The following FLG2 variants were observed in gnomAD, a reference collection of about 807,000 sequenced individuals.
FLG2 encodes filaggrin-2.
In FLG2, 7 loss-of-function variants were observed where a neutral mutation model predicts 3.9. The ratio of observed to expected loss-of-function variants is 1.79; its 90% confidence interval spans 1.02 to 3.36. FLG2 has a LOEUF of 3.36. Among genes scored for constraint, FLG2 ranks in the 30% most tolerant of loss-of-function variants. The pLI, the probability that FLG2 is intolerant of heterozygous loss-of-function variation, is 0.00. For synonymous variants in FLG2, 1,031 were observed against 1,056.1 expected, an observed-to-expected ratio of 0.98 and a Z score of 0.46; for missense variants, 2,700 against 2,809.4, an observed-to-expected ratio of 0.96 and a Z score of 0.88.
Position 152,350,462 on chromosome 1 carries a change from C to T in FLG2, c.*148G>A. 2 of 1,045,110 alleles carry T rather than the reference C, an allele frequency of 1.9e-6. No homozygotes were observed. The highest frequency in any genetic ancestry group is 5.2e-5 in the East Asian group (2 of 38,422). 64.7% of individuals were successfully genotyped at this position (1,045,110 alleles called of 1,614,324 possible). ...ACTATAGAATGTCCATGACTAGATT[C>T]CTGACTTCTTATAATAATAGGTCGA... On this transcript the variant is annotated 3_prime_UTR_variant, in exon 3 of 3. Coordinates refer to ENST00000388718, the MANE Select transcript of FLG2 (RefSeq NM_001014342.3).
In FLG2 at chr1:152,351,757, G is replaced by A. The variant is rs1653936129; in HGVS notation, c.6029C>T (p.Ser2010Phe). The change falls in exon 3 of 3, where the codon TCT becomes TTT. Residue 2010 changes from serine (S) to phenylalanine (F), a missense_variant. Transcript: ENST00000388718. ...QTADTTRHGH[S>F]GHGQSTQRGS... is the part of the protein sequence containing the mutation. Reference sequence around the variant, plus strand: ...TCTCTGTGTGGACTGTCCATGACCAGAGTGGCCATGTCTAGTGGTATCTGC... The same window carrying A: ...TCTCTGTGTGGACTGTCCATGACCAAAGTGGCCATGTCTAGTGGTATCTGC... 7 of 1,611,818 alleles carry A rather than the reference G, an allele frequency of 4.3e-6. No homozygotes were observed. Among genetic ancestry groups the A allele is most frequent in the Non-Finnish European group, 5.9e-6 (7 of 1,179,648 alleles).
chr1:152,354,656 C>T lies in FLG2; in HGVS notation c.3130G>A (p.Gly1044Ser). 6.2e-7 allele frequency: 1 copy of T among 1,614,068 alleles called. No individual in the cohort carries two copies. The highest frequency in any genetic ancestry group is 8.5e-7 in the Non-Finnish European group (1 of 1,180,014). The change falls in exon 3 of 3, where the codon GGC (glycine) becomes AGC (serine). Residue 1044 changes from glycine (G) to serine (S), a missense_variant. Coordinates refer to ENST00000388718, the MANE Select transcript of FLG2 (RefSeq NM_001014342.3). ...CCAAAGCCAGAGGACTGATCTGAGCCTGATCCATGTTGTCCAAAGCCTGAG... is the reference window on the plus strand; with the variant it reads ...CCAAAGCCAGAGGACTGATCTGAGCTTGATCCATGTTGTCCAAAGCCTGAG... The part of the protein sequence containing the change: ...QYSGFGQHGS[G>S]SDQSSGFGQH...
rs761313469 is a variant in FLG2, at chr1:152,357,322, T to A, written c.464A>T (p.His155Leu). The stretch of plus-strand genomic sequence containing the variant: ...TCCTAGCCTCCTGGAGTTGGACCCA[T>A]GTCTACATTTCACAGTTCCCCTTGA... The part of the protein sequence containing the change: ...GHSRGTVKCR[H>L]GSNSRRLGRQ... Residue 155 changes from histidine (H) to leucine (L), a missense_variant, in exon 3 of 3, where the codon CAT becomes CTT. By Grantham distance (99) the His-to-Leu change is moderately conservative (BLOSUM62 -3). Transcript: ENST00000388718. 1.2e-6 allele frequency: 2 copies of A among 1,614,186 alleles called. No individual in the cohort carries two copies. The highest frequency in any genetic ancestry group is 1.3e-5 in the African/African-American group (1 of 75,046).
Position 152,354,671 on chromosome 1 carries a change from C to T in FLG2, c.3115G>A (p.Gly1039Arg). ...RSSSGQYSGF[G>R]QHGSGSDQSS... ...TGATCTGAGCCTGATCCATGTTGTCCAAAGCCTGAGTATTGGCCTGAGCTT... is the reference window on the plus strand; with the variant it reads ...TGATCTGAGCCTGATCCATGTTGTCTAAAGCCTGAGTATTGGCCTGAGCTT... The change falls in exon 3 of 3, where the codon GGA (glycine) becomes AGA (arginine). Residue 1039 changes from glycine (G) to arginine (R), a missense_variant. Transcript: ENST00000388718. The T allele has an allele frequency of 6.2e-7, 1 of 1,614,026 alleles. No homozygotes were observed. The highest frequency in any genetic ancestry group is 8.5e-7 in the Non-Finnish European group (1 of 1,180,020).
In FLG2 at chr1:152,353,625, T is replaced by A. The variant is rs1654066054; in HGVS notation, c.4161A>T (p.Arg1387Ser). 4 of 1,613,876 alleles carry A rather than the reference T, an allele frequency of 2.5e-6. No individual in the cohort carries two copies. The Admixed American group carries it at 6.7e-5, about 27-fold the overall frequency. The change falls in exon 3 of 3, where the codon AGA (arginine) becomes AGT (serine). Residue 1387 changes from arginine to serine, a missense_variant. Arg to Ser is a moderately radical substitution (Grantham distance 110). Coordinates refer to ENST00000388718, the MANE Select transcript of FLG2 (RefSeq NM_001014342.3). ...HGESESTVHE[R>S]HETTYGQTGE... Reference sequence around the variant, plus strand: ...CTGTCTGTCCATAAGTAGTTTCATGTCTCTCATGAACTGTGGATTCTGACT... The same window carrying A: ...CTGTCTGTCCATAAGTAGTTTCATGACTCTCATGAACTGTGGATTCTGACT...
At position 152,356,783 on chromosome 1, in the gene FLG2, G is replaced by C; in HGVS notation, c.1003C>G (p.Pro335Ala). 1 of 1,614,006 alleles carries C rather than the reference G, an allele frequency of 6.2e-7. No individual in the cohort carries two copies. The highest frequency in any genetic ancestry group is 8.5e-7 in the Non-Finnish European group (1 of 1,179,894). Residue 335 changes from proline (P) to alanine (A), a missense_variant, in exon 3 of 3, where the codon CCC becomes GCC. Pro to Ala is a conservative substitution (Grantham distance 27). Coordinates refer to ENST00000388718, the MANE Select transcript of FLG2 (RefSeq NM_001014342.3). ...GACTCAGGTTGACCACATCCAGAGG[G>C]CTGACCTCCTGAGACACAGCCATGG... ...QGHGCVSGGQ[P>A]SGCGQPESNP...
chr1:152,357,591 A>G lies in FLG2; in HGVS notation c.195T>C (p.His65=), dbSNP rs777649467. 3.0e-5 allele frequency: 48 copies of G among 1,614,100 alleles called. No individual in the cohort carries two copies. Among genetic ancestry groups the G allele is most frequent in the Non-Finnish European group, 3.9e-5 (46 of 1,180,020 alleles). The change falls in exon 3 of 3, where the codon CAT becomes CAC. Residue 65 remains histidine (H), a synonymous_variant. Coordinates refer to ENST00000388718, the MANE Select transcript of FLG2 (RefSeq NM_001014342.3). Reference sequence around the variant, plus strand: ...ACTCAGTAAAGTCCAATCTTCTGTCATGATCTCGATCCAGCATATGCATGA... The same window carrying G: ...ACTCAGTAAAGTCCAATCTTCTGTCGTGATCTCGATCCAGCATATGCATGA... ...DVIMHMLDRD[H]DRRLDFTEFL...
intron 1 of FLG2, among the ~76,000 whole-genome samples, chr1:152,359,214 T>C (rs1654362017): frequency 6.6e-6 from 1 of 152,188 alleles, no homozygotes; most frequent in Non-Finnish European, 1.5e-5. Flanking sequence ...TTGAGTGTGT[T>C]GGCATTCTGG....
At position 152,358,839 on chromosome 1, in the gene FLG2, A is replaced by G. The variant is rs1654346972; in HGVS notation, c.46T>C (p.Tyr16His). 2 of 1,614,024 alleles carry G rather than the reference A, an allele frequency of 1.2e-6. No individual in the cohort carries two copies. The highest frequency in any genetic ancestry group is 1.7e-6 in the Non-Finnish European group (2 of 1,179,902). The change falls in exon 2 of 3, where the codon TAC becomes CAC. Residue 16 changes from tyrosine to histidine, a missense_variant. Tyr to His is a moderately conservative substitution (Grantham distance 83). Transcript: ENST00000388718. ...RSVVTVIDVF[Y>H]KYTKQDGECG... ...TCCCCATCTTGCTTGGTGTATTTGTAGAAAACATCAATTACGGTGACAACA... is the reference window on the plus strand; with the variant it reads ...TCCCCATCTTGCTTGGTGTATTTGTGGAAAACATCAATTACGGTGACAACA...
Position 152,357,181 on chromosome 1 carries a change from A to T in FLG2, c.605T>A (p.Val202Glu), listed in dbSNP as rs1654272218. ...GGKDRHGSSS[V>E]ELRERINKSH... ...CTTGTTTATTCTTTCTCTCAGTTCT[A>T]CAGAGCTGGAACCATGTCTGTCTTT... is the stretch of plus-strand genomic sequence containing the variant. Residue 202 changes from valine (V) to glutamate (E), a missense_variant, in exon 3 of 3, where the codon GTA becomes GAA. Physicochemically the swap from Val to Glu is moderately radical, Grantham distance 121. Transcript: ENST00000388718. The T allele has an allele frequency of 6.2e-7, 1 of 1,614,022 alleles. No homozygotes were observed. Among genetic ancestry groups the T allele is most frequent in the African/African-American group, 1.3e-5 (1 of 74,898 alleles).
At chr1:152,359,045 T>C (rs1654357051) in intron 1 of FLG2, 139 bp from the exon 2 acceptor site, 1 of 722,462 alleles carries the variant, frequency 1.4e-6, no homozygotes, top group Admixed American at 3.1e-5. Flanking sequence ...CCAGGGATGA[T>C]ACAACCCCGT....
chr1:152,353,465 G>T lies in FLG2; in HGVS notation c.4321C>A (p.Gln1441Lys). ...EVHSGGSHRP[Q>K]SQEQTHGQAG... ...TGGCCATGAGTTTGTTCTTGTGATTGTGGTCTGTGTGAGCCCCCTGAGTGC... is the reference window on the plus strand; with the variant it reads ...TGGCCATGAGTTTGTTCTTGTGATTTTGGTCTGTGTGAGCCCCCTGAGTGC... The change falls in exon 3 of 3, where the codon CAA becomes AAA. Residue 1441 changes from glutamine to lysine, a missense_variant. By Grantham distance (53) the Gln-to-Lys change is moderately conservative (BLOSUM62 1). Coordinates refer to ENST00000388718, the MANE Select transcript of FLG2 (RefSeq NM_001014342.3). 2.5e-6 allele frequency: 4 copies of T among 1,603,260 alleles called. No individual in the cohort carries two copies. The highest frequency in any genetic ancestry group is 3.4e-6 in the Non-Finnish European group (4 of 1,176,762).
intron 1 of FLG2, among the ~76,000 whole-genome samples, chr1:152,359,660 CA>C (rs1654375528): frequency 6.6e-6 from 1 of 152,066 alleles, no homozygotes; most frequent in Non-Finnish European, 1.5e-5. Context: ...CTGGACAGCC[CA>C]GAAAAGAGGG....
At position 152,352,578 on chromosome 1, in the gene FLG2, C is replaced by T. The variant is rs12067755; in HGVS notation, c.5208G>A (p.Gly1736=). The T allele has an allele frequency of 1.8e-5, 29 of 1,613,588 alleles. No individual in the cohort carries two copies. Among genetic ancestry groups the T allele is most frequent in the Middle Eastern group, 3.3e-4 (2 of 6,084 alleles). The change falls in exon 3 of 3, where the codon GGG becomes GGA. Residue 1736 remains glycine, a synonymous_variant. Coordinates refer to ENST00000388718, the MANE Select transcript of FLG2 (RefSeq NM_001014342.3). The part of the protein sequence containing the change: ...SGHSEYSDSE[G]YSGVSHTHSG... The stretch of plus-strand genomic sequence containing the variant: ...AATGTGTATGTGAGACTCCTGAGTA[C>T]CCTTCACTGTCACTGTACTCACTGT...
Position 152,355,294 on chromosome 1 carries a change from G to A in FLG2, c.2492C>T (p.Ser831Phe). 1.2e-6 allele frequency: 2 copies of A among 1,613,916 alleles called. No homozygotes were observed. Among genetic ancestry groups the A allele is most frequent in the African/African-American group, 1.3e-5 (1 of 74,946 alleles). Residue 831 changes from serine (S) to phenylalanine (F), a missense_variant, in exon 3 of 3, where the codon TCT becomes TTT. Coordinates refer to ENST00000388718, the MANE Select transcript of FLG2 (RefSeq NM_001014342.3). Reference protein sequence around the residue: ...GQHGSGSGQSSGFGQHESRSH... With the variant: ...GQHGSGSGQSFGFGQHESRSH... ...TCTAGACTCATGCTGTCCAAAGCCA[G>A]AGGATTGTCCTGAGCCAGACCCATG...
At position 152,350,609 on chromosome 1, in the gene FLG2, G is replaced by T; in HGVS notation, c.*1C>A. 6.2e-7 allele frequency: 1 copy of T among 1,610,114 alleles called. No homozygotes were observed. ...ATAAGGTCAGAACTAGAAAATAACT[G>T]TCAATGTCTAGACAGTTGCTTGTTT... On this transcript the variant is annotated 3_prime_UTR_variant, in exon 3 of 3. Transcript: ENST00000388718.
At position 152,350,473 on chromosome 1, in the gene FLG2, A is replaced by G. The variant is rs763443589; in HGVS notation, c.*137T>C. On this transcript the variant is annotated 3_prime_UTR_variant, in exon 3 of 3. Transcript: ENST00000388718. ...TCCATGACTAGATTCCTGACTTCTT[A>G]TAATAATAGGTCGAGACTGATACTG... 7.3e-5 allele frequency: 84 copies of G among 1,150,762 alleles called. No homozygotes were observed. Among genetic ancestry groups the G allele is most frequent in the Non-Finnish European group, 9.1e-5 (76 of 834,418 alleles). The allele number at this position is 1,150,762 out of a possible 1,614,324, so 71.3% of individuals were successfully genotyped here. A position where few individuals can be genotyped will look rare whatever the true frequency, so the allele number is the denominator to read the frequency against.
chr1:152,354,629 G>A lies in FLG2; in HGVS notation c.3157C>T (p.Gln1053Ter). Residue 1053 changes from glutamine to a stop codon, truncating the protein, a stop_gained, in exon 3 of 3, where the codon CAA (glutamine) becomes TAA (stop). Coordinates refer to ENST00000388718, the MANE Select transcript of FLG2 (RefSeq NM_001014342.3). LOFTEE classifies it low-confidence loss of function (END_TRUNC). ...SGSDQSSGFGQHGTGSGQSSG... is the reference protein window; with the variant it reads ...SGSDQSSGFG ...GATTGTCCTGAACCAGTCCCATGTT[G>A]TCCAAAGCCAGAGGACTGATCTGAG... is the stretch of plus-strand genomic sequence containing the variant. The A allele has an allele frequency of 6.2e-7, 1 of 1,614,074 alleles. No individual in the cohort carries two copies.
Position 152,350,649 on chromosome 1 carries a change from T to G in FLG2, c.7137A>C (p.Ser2379=), listed in dbSNP as rs1338269349. ...KSISNSHLSW[S]TDSTANKQLS... ...GTTGCTTGTTTGCAGTGCTGTCTGT[T>G]GACCATGAAAGGTGAGAATTACTGA... The change falls in exon 3 of 3, where the codon TCA becomes TCC. Residue 2379 remains serine, a synonymous_variant. Transcript: ENST00000388718. 6.2e-7 allele frequency: 1 copy of G among 1,614,082 alleles called. No individual in the cohort carries two copies. Among genetic ancestry groups the G allele is most frequent in the Admixed American group, 1.7e-5 (1 of 60,012 alleles).
Sources: allele counts gnomAD v4.1 joint callset (sites outside exome capture counted in the v4.1 genomes callset), GRCh38; gene constraint gnomAD v4.1.1; transcripts MANE v1.5; gene names NCBI Gene and HGNC (gene_info 2026-07-23, HGNC 2026-07-21).